The following CNTN4 variants were observed in gnomAD, a reference collection of about 807,000 sequenced individuals.
The protein encoded by CNTN4 is contactin 4, also known as contactin-4.
In CNTN4, 77 loss-of-function variants were observed where a neutral mutation model predicts 122.5. The ratio of observed to expected loss-of-function variants is 0.63; its 90% CI spans 0.52 to 0.76. CNTN4 has a LOEUF of 0.76. CNTN4 is among the 30% of genes least tolerant of loss of function. The pLI is 0.00. For synonymous variants in CNTN4, 512 were observed against 447.0 expected (o/e 1.15, Z -1.83); for missense variants, 1,256 against 1,259.1 (o/e 1.00, Z 0.04).
chr3:3,047,900 A>T (rs1436901439), intron 23 of CNTN4, among the ~76,000 whole-genome samples: 1 of 151,720 alleles, frequency 6.6e-6, no homozygotes, highest in Non-Finnish European at 1.5e-5. Flanking sequence ...TAAAGAAGAA[A>T]AGAGAGAAGA....
intron 2 of CNTN4, among the ~76,000 whole-genome samples, chr3:2,310,265 GT>G (rs986179600): frequency 6.6e-6 from 1 of 152,086 alleles, no homozygotes; most frequent in African/African-American, 2.4e-5. Flanking sequence ...ATAAACTTCA[GT>G]TTTCTCTTCT....
chr3:2,199,619 C>T (rs575071902), intron 2 of CNTN4, among the ~76,000 whole-genome samples: 21 of 152,090 alleles, frequency 1.4e-4, no homozygotes, highest in Admixed American at 2.6e-4. Flanking sequence ...CCAAACTGTT[C>T]TGGTGCTGGG....
intron 10 of CNTN4, among the ~76,000 whole-genome samples, chr3:2,891,447 A>G (rs572330661): frequency 1.7e-4 from 25 of 148,706 alleles, no homozygotes; most frequent in African/African-American, 5.5e-4. Context: ...ACTCCATCTC[A>G]AATAAATAAA....
chr3:2,761,762 TA>T (rs2090603026), intron 6 of CNTN4, among the ~76,000 whole-genome samples: 1 of 152,128 alleles, frequency 6.6e-6, no homozygotes, highest in Non-Finnish European at 1.5e-5. Context: ...CATTTTACTC[TA>T]ACCAGCCATT....
rs192053832 is a variant in CNTN4, at chr3:2,376,231, C to T, written c.-89+36998C>T. On this transcript the variant is annotated intron_variant, in intron 3 of 24. Coordinates refer to ENST00000418658, the MANE Select transcript of CNTN4 (RefSeq NM_175607.3). ...AGGCAGAAAATGATTTGCTGTGCTG[C>T]ACTTCTCCTTTAACAGTTTCTATCG... Among the ~76,000 whole-genome samples, 838 of 152,238 alleles carry T rather than the reference C, an allele frequency of 5.5e-3. 10 individuals carry two copies. Among genetic ancestry groups the T allele is most frequent in the Non-Finnish European group, 4.7e-3 (320 of 68,022 alleles).
intron 3 of CNTN4, among the ~76,000 whole-genome samples, chr3:2,533,503 T>C (rs1168819842): frequency 1.7e-4 from 2 of 11,826 alleles, no homozygotes; most frequent in Non-Finnish European, 4.4e-4. Flanking sequence ...ATAGGGTGTA[T>C]ATGTACCACA....
At chr3:2,394,283 A>G (rs1343318514) in intron 3 of CNTN4, among the ~76,000 whole-genome samples, 1 of 152,138 alleles carries the variant, frequency 6.6e-6, no homozygotes, top group East Asian at 1.9e-4. Context: ...CAGGAACAGT[A>G]TCTGATCAGA....
intron 6 of CNTN4, among the ~76,000 whole-genome samples, chr3:2,757,659 C>A (rs1328750904): frequency 6.6e-6 from 1 of 152,204 alleles, no homozygotes; most frequent in African/African-American, 2.4e-5. Context: ...CATTTGCCTT[C>A]TAGCTGTCAT....
intron 12 of CNTN4, among the ~76,000 whole-genome samples, chr3:2,917,745 G>A (rs1046947482): frequency 2.0e-5 from 3 of 152,156 alleles, no homozygotes; most frequent in Non-Finnish European, 4.4e-5. Context: ...AGCCATCACA[G>A]CAGAGTACCT....
intron 4 of CNTN4, among the ~76,000 whole-genome samples, chr3:2,673,092 A>G (rs997917137): frequency 2.0e-5 from 3 of 152,186 alleles, no homozygotes; most frequent in Non-Finnish European, 4.4e-5. Flanking sequence ...TCTCCGGTCA[A>G]TACAATATAC....
Position 2,551,557 on chromosome 3 carries a change from T to A in CNTN4, c.-88-19859T>A, listed in dbSNP as rs371360889. 3.3e-5 allele frequency among the ~76,000 whole-genome samples: 5 copies of A among 152,274 alleles called. No homozygotes were observed. The East Asian group carries it at 7.7e-4, about 23-fold the overall frequency. On this transcript the variant is annotated intron_variant, in intron 3 of 24. Transcript: ENST00000418658. ...TGATTTTCATCACCTTAATACTTTG[T>A]AATGATCATGAAAGGATTTTTGAAA...
At chr3:2,817,681 A>G (rs1360887746) in intron 6 of CNTN4, among the ~76,000 whole-genome samples, 1 of 152,176 alleles carries the variant, frequency 6.6e-6, no homozygotes, top group Non-Finnish European at 1.5e-5. Context: ...ATGATACGTG[A>G]TCTCTACTAC....
At chr3:2,855,444 G>T (rs1383410645) in intron 7 of CNTN4, among the ~76,000 whole-genome samples, 1 of 152,192 alleles carries the variant, frequency 6.6e-6, no homozygotes, top group East Asian at 1.9e-4. Context: ...TCTAAAAATT[G>T]TCAGAGGCAC....
chr3:2,696,984 A>T (rs1005072155), intron 4 of CNTN4, among the ~76,000 whole-genome samples: 3 of 152,190 alleles, frequency 2.0e-5, no homozygotes, highest in African/African-American at 7.2e-5. Context: ...TTGCGAATTA[A>T]AAAATAAAAT....
intron 12 of CNTN4, among the ~76,000 whole-genome samples, chr3:2,922,976 C>G (rs139349551): frequency 4.9e-4 from 75 of 152,212 alleles, no homozygotes; most frequent in Admixed American, 1.4e-3. Context: ...GATAAGATAT[C>G]CAAAAGATTA....
intron 2 of CNTN4, among the ~76,000 whole-genome samples, chr3:2,334,121 T>A (rs895922840): frequency 6.6e-6 from 1 of 152,208 alleles, no homozygotes; most frequent in Non-Finnish European, 1.5e-5. Context: ...TATCATTAAT[T>A]GAATACCTGC....
At chr3:2,763,988 A>G (rs1004591580) in intron 6 of CNTN4, among the ~76,000 whole-genome samples, 5 of 151,796 alleles carry the variant, frequency 3.3e-5, no homozygotes, top group African/African-American at 7.3e-5. Context: ...TTCCATATGA[A>G]TTTTAAAATA....
intron 4 of CNTN4, among the ~76,000 whole-genome samples, chr3:2,676,301 G>A (rs1381095491): frequency 2.6e-5 from 4 of 151,842 alleles, no homozygotes; most frequent in East Asian, 1.9e-4. Context: ...GGGTCACTGC[G>A]ACCTCCGCCT....
At chr3:2,547,355 C>G (rs1434189762) in intron 3 of CNTN4, among the ~76,000 whole-genome samples, 2 of 151,914 alleles carry the variant, frequency 1.3e-5, no homozygotes, top group Non-Finnish European at 2.9e-5. Flanking sequence ...CCTCTGTCCC[C>G]TGCATTCAAG....
Sources: allele counts gnomAD v4.1 joint callset (sites outside exome capture counted in the v4.1 genomes callset), GRCh38; gene constraint gnomAD v4.1.1; transcripts MANE v1.5; gene names NCBI Gene and HGNC (gene_info 2026-07-23, HGNC 2026-07-21).